Variants in AUH observed in about 807,000 individuals in gnomAD.
AUH encodes the protein methylglutaconyl-CoA hydratase, mitochondrial.
In AUH, 29 loss-of-function variants were observed where a neutral mutation model predicts 42.3. The observed-to-expected ratio is 0.69, with a 90% CI of 0.51 to 0.93. The LOEUF (loss-of-function observed/expected upper bound fraction) is 0.93, where lower values mean the gene tolerates loss of function less well. AUH is among the 40% of genes least tolerant of loss of function. The pLI, the probability that AUH is intolerant of heterozygous loss-of-function variation, is 0.00. For synonymous variants in AUH, 174 were observed against 166.4 expected, an observed-to-expected ratio of 1.05 and a Z score of -0.35; for missense variants, 452 against 438.1, an observed-to-expected ratio of 1.03 and a Z score of -0.28.
intron 4 of AUH, among the ~76,000 whole-genome samples, chr9:91,307,746 T>C (rs1228337392): frequency 1.3e-5 from 2 of 152,218 alleles, no homozygotes; most frequent in African/African-American, 2.4e-5. Flanking sequence ...AACTTCATCA[T>C]AGGTGTGTAT....
At chr9:91,248,633 CCTCA>C (rs1348915853) in intron 6 of AUH, among the ~76,000 whole-genome samples, 5 of 152,102 alleles carry the variant, frequency 3.3e-5, no homozygotes, top group Non-Finnish European at 7.4e-5. Context: ...CAGTTTTTGT[CCTCA>C]CTGTTTCATA....
At chr9:91,250,653 C>G (rs1055050524) in intron 6 of AUH, among the ~76,000 whole-genome samples, 5 of 152,220 alleles carry the variant, frequency 3.3e-5, no homozygotes, top group Non-Finnish European at 5.9e-5. Context: ...AACTAAAACC[C>G]TAAGAAAATG....
chr9:91,354,105 C>T (rs1335060556), intron 3 of AUH, among the ~76,000 whole-genome samples: 2 of 150,766 alleles, frequency 1.3e-5, no homozygotes, highest in Non-Finnish European at 3.0e-5. Context: ...GAGGCAGAGG[C>T]TGCAGTGAGC....
chr9:91,351,638 G>A (rs1318954322), intron 3 of AUH, among the ~76,000 whole-genome samples: 1 of 152,202 alleles, frequency 6.6e-6, no homozygotes. Flanking sequence ...ACAGCAGGAG[G>A]TGAGCACAGG....
intron 3 of AUH, among the ~76,000 whole-genome samples, chr9:91,325,693 A>G (rs1195528289): frequency 6.6e-6 from 1 of 152,216 alleles, no homozygotes; most frequent in East Asian, 1.9e-4. Context: ...CTACTGATCT[A>G]TAGTTACTCT....
chr9:91,311,049 G>C (rs1003120574), intron 4 of AUH, among the ~76,000 whole-genome samples: 1 of 152,132 alleles, frequency 6.6e-6, no homozygotes, highest in South Asian at 2.1e-4. Flanking sequence ...TGCTTGAAAA[G>C]AGGTTTATAC....
At chr9:91,280,635 C>G (rs1825888502) in intron 6 of AUH, among the ~76,000 whole-genome samples, 1 of 152,128 alleles carries the variant, frequency 6.6e-6, no homozygotes, top group Admixed American at 6.6e-5. Flanking sequence ...TATTAATTCT[C>G]CAATCTTTTC....
At chr9:91,274,728 G>A (rs1383173918) in intron 6 of AUH, among the ~76,000 whole-genome samples, 1 of 152,052 alleles carries the variant, frequency 6.6e-6, no homozygotes, top group African/African-American at 2.4e-5. Flanking sequence ...CTTCAGATAA[G>A]GAAGATAAAC....
At chr9:91,258,444 A>G (rs947926208) in intron 6 of AUH, among the ~76,000 whole-genome samples, 4 of 152,194 alleles carry the variant, frequency 2.6e-5, no homozygotes, top group Non-Finnish European at 1.5e-5. Flanking sequence ...CATGTTGGTC[A>G]GGCTGGTCTC....
rs543242154 is a variant in AUH at position 91,261,639 on chromosome 9, T to C, written c.655+34382A>G. Among the ~76,000 whole-genome samples the C allele has an allele frequency of 1.1e-4, 16 of 152,326 alleles. No homozygotes were observed. In the South Asian group the frequency reaches 3.1e-3, roughly 30 times the overall value. ...CCTATCCTGTGTTGTATCTCACATA[T>C]TAATCCACTTCAGCCTCCTCAGAAT... is the stretch of plus-strand genomic sequence containing the variant. On this transcript the variant is annotated intron_variant, in intron 6 of 9. Coordinates refer to ENST00000375731, the MANE Select transcript of AUH (RefSeq NM_001698.3).
chr9:91,294,701 G>A (rs1827180033), intron 6 of AUH: 1 of 456,060 alleles, frequency 2.2e-6, no homozygotes, highest in Non-Finnish European at 4.4e-6. Context: ...TTCATGGGAA[G>A]AGGCCAGAAT....
Position 91,340,109 on chromosome 9 carries a change from C to T in AUH, c.419-14705G>A, listed in dbSNP as rs372388980. On this transcript the variant is annotated intron_variant, in intron 3 of 9. Coordinates refer to ENST00000375731, the MANE Select transcript of AUH (RefSeq NM_001698.3). ...CCAGGGAGCTATGAAATGAACAAAT[C>T]CTAGAGATTACACTGAGCTGAAAGG... Among the ~76,000 whole-genome samples, 3 of 152,218 alleles carry T rather than the reference C, an allele frequency of 2.0e-5. No individual in the cohort carries two copies. The South Asian group carries it at 6.2e-4, about 32-fold the overall frequency.
intron 6 of AUH, among the ~76,000 whole-genome samples, chr9:91,252,466 GGTGGTGCC>G (rs1310547738): frequency 6.6e-6 from 1 of 152,082 alleles, no homozygotes; most frequent in Non-Finnish European, 1.5e-5. Context: ...AATTCTCTGA[GGTGGTGCC>G]ATCACCCTCA....
At chr9:91,291,599 C>T (rs1196798316) in intron 6 of AUH, among the ~76,000 whole-genome samples, 1 of 152,174 alleles carries the variant, frequency 6.6e-6, no homozygotes, top group African/African-American at 2.4e-5. Flanking sequence ...TTTTGGCCTA[C>T]AAGAATAACA....
chr9:91,221,056 TTTCATATCTTCATTTA>T, intron 6 of AUH, 64 bp from the exon 7 acceptor site: 1 of 1,539,034 alleles, frequency 6.5e-7, no homozygotes, highest in Non-Finnish European at 9.0e-7. Context: ...CACTTCAGTG[TTTCATATCTTCATTTA>T]TAAAAATAAA....
chr9:91,223,835 C>G (rs1827276515), intron 6 of AUH, among the ~76,000 whole-genome samples: 1 of 152,092 alleles, frequency 6.6e-6, no homozygotes, highest in Admixed American at 6.5e-5. Context: ...AAGAAATTGA[C>G]CCTTCTGCTG....
At position 91,220,984 on chromosome 9, in the gene AUH, G is replaced by C; in HGVS notation, c.664C>G (p.Gln222Glu). Residue 222 changes from glutamine (Q) to glutamate (E), a missense_variant, in exon 7 of 10, where the codon CAG becomes GAG. Physicochemically the swap from Gln to Glu is conservative, Grantham distance 29. Coordinates refer to ENST00000375731, the MANE Select transcript of AUH (RefSeq NM_001698.3). ...ATTCCAATGGCGCGTGGCAATCGCT[G>C]TGTCCCCCCTGAGGGGTGAAAGAGA... Reference protein sequence around the residue: ...LAIIPGGGGTQRLPRAIGMSL... With the variant: ...LAIIPGGGGTERLPRAIGMSL... 6.2e-7 allele frequency: 1 copy of C among 1,614,182 alleles called. No homozygotes were observed. The highest frequency in any genetic ancestry group is 2.2e-5 in the East Asian group (1 of 44,882).
chr9:91,264,030 A>G (rs966808737), intron 6 of AUH, among the ~76,000 whole-genome samples: 3 of 152,144 alleles, frequency 2.0e-5, no homozygotes, highest in East Asian at 3.9e-4. Flanking sequence ...CACTTTTCCT[A>G]TAACATCAAG....
intron 1 of AUH, among the ~76,000 whole-genome samples, chr9:91,357,006 C>T (rs1417557722): frequency 6.6e-6 from 1 of 152,210 alleles, no homozygotes; most frequent in Non-Finnish European, 1.5e-5. Context: ...AAAATGTACA[C>T]ATGCCTTCGC....
Sources: gnomAD v4.1 joint callset for allele counts (sites outside exome capture counted in the v4.1 genomes callset) on GRCh38, gnomAD v4.1.1 for gene constraint, MANE v1.5 for transcripts, NCBI Gene and HGNC (gene_info 2026-07-23, HGNC 2026-07-21) for gene names.